The following PTPRB variants were observed in gnomAD, a reference collection of about 807,000 sequenced individuals.
PTPRB encodes receptor-type tyrosine-protein phosphatase beta.
In PTPRB, 97 loss-of-function variants were observed where a neutral mutation model predicts 238.1. The observed-to-expected ratio is 0.41, with a 90% CI of 0.35 to 0.48. The LOEUF (loss-of-function observed/expected upper bound fraction) is 0.48, where lower values mean the gene tolerates loss of function less well. PTPRB is among the 20% of genes least tolerant of loss of function. The pLI is 0.30. For synonymous variants in PTPRB, 970 were observed against 995.4 expected, an observed-to-expected ratio of 0.97 and a Z score of 0.48; for missense variants, 2,292 against 2,681.9, an observed-to-expected ratio of 0.85 and a Z score of 3.21.
chr12:70,583,564 C>T (rs1881597197), intron 9 of PTPRB, among the ~76,000 whole-genome samples: 2 of 152,134 alleles, frequency 1.3e-5, no homozygotes, highest in South Asian at 4.1e-4. Context: ...GGAAAGGCTA[C>T]ATTCTAAGTA....
In PTPRB at chr12:70,609,170, T is replaced by G; in HGVS notation, c.878A>C (p.Asn293Thr). 1 of 1,614,034 alleles carries G rather than the reference T, an allele frequency of 6.2e-7. No individual in the cohort carries two copies. Among genetic ancestry groups the G allele is most frequent in the Non-Finnish European group, 8.5e-7 (1 of 1,179,898 alleles). The part of the protein sequence containing the change: ...AALCPTFRID[N>T]TTYGCNLQDL... The stretch of plus-strand genomic sequence containing the variant: ...TTGAAGGTTACATCCGTATGTGGTG[T>G]TGTCTATCCGAAAGGTAGGGCACAA... The change falls in exon 4 of 34, where the codon AAC (asparagine) becomes ACC (threonine). Residue 293 changes from asparagine (N) to threonine (T), a missense_variant. By Grantham distance (65) the Asn-to-Thr change is moderately conservative (BLOSUM62 0). This residue lies in a region of PTPRB where 1,205 missense variants were observed against 1,287.8 expected (regional missense o/e 0.94). Coordinates refer to ENST00000334414, the MANE Select transcript of PTPRB (RefSeq NM_001109754.4).
intron 15 of PTPRB, among the ~76,000 whole-genome samples, chr12:70,565,417 T>G (rs1323794168): frequency 2.6e-5 from 4 of 152,212 alleles, no homozygotes; most frequent in Non-Finnish European, 4.4e-5. Context: ...CAGGACAGAC[T>G]GTCTGTACAA....
intron 32 of PTPRB, among the ~76,000 whole-genome samples, chr12:70,524,825 GTGTGTGCATATA>G (rs1407303168): frequency 1.3e-5 from 2 of 151,744 alleles, no homozygotes; most frequent in African/African-American, 4.8e-5. Context: ...ATATATATGT[GTGTGTGCATATA>G]TGTGTGTATA....
chr12:70,586,933 C>T, intron 9 of PTPRB, 74 bp downstream of exon 9: 1 of 1,432,348 alleles, frequency 7.0e-7, no homozygotes, highest in Non-Finnish European at 9.6e-7. Context: ...TTAATGAATA[C>T]TTGTAAATTG....
In PTPRB at chr12:70,582,679, G is replaced by A. The variant is rs1157946709; in HGVS notation, c.2312-1377C>T. Among the ~76,000 whole-genome samples, 6 of 152,060 alleles carry A rather than the reference G, an allele frequency of 3.9e-5. No individual in the cohort carries two copies. The South Asian group carries it at 1.2e-3, about 31-fold the overall frequency. On this transcript the variant is annotated intron_variant, in intron 9 of 33. Transcript: ENST00000334414. ...AAAAATTAACTCAAAATGGGTCGCA[G>A]ACCTACATTTAAAACCTAAAACTAT...
Position 70,571,094 on chromosome 12 carries a change from T to G in PTPRB, c.3302A>C (p.Gln1101Pro). 6.2e-7 allele frequency: 1 copy of G among 1,614,034 alleles called. No individual in the cohort carries two copies. Among genetic ancestry groups the G allele is most frequent in the African/African-American group, 1.3e-5 (1 of 75,050 alleles). Reference protein sequence around the residue: ...YRFTSLTPGRQYKILVLTISG... With the variant: ...YRFTSLTPGRPYKILVLTISG... Reference sequence around the variant, plus strand: ...AATCGTCAAGACAAGAATTTTGTATTGGCGGCCTGGTGTTAGGGAAGTAAA... The same window carrying G: ...AATCGTCAAGACAAGAATTTTGTATGGGCGGCCTGGTGTTAGGGAAGTAAA... The change falls in exon 13 of 34, where the codon CAA (glutamine) becomes CCA (proline). Residue 1101 changes from glutamine (Q) to proline (P), a missense_variant. This residue lies in a region of PTPRB where 683 missense variants were observed against 862.0 expected (regional missense o/e 0.79). Transcript: ENST00000334414.
chr12:70,566,850 T>C, intron 14 of PTPRB, 146 bp from the exon 15 acceptor site: 1 of 851,870 alleles, frequency 1.2e-6, no homozygotes, highest in Non-Finnish European at 1.8e-6. Flanking sequence ...TGTGTGCCCT[T>C]ATGGAGAAAA....
intron 30 of PTPRB, 42 bp downstream of exon 30, chr12:70,534,791 A>G (rs1323866385): frequency 5.0e-6 from 8 of 1,608,268 alleles, no homozygotes; most frequent in Middle Eastern, 1.7e-4. Flanking sequence ...GATCTCATTC[A>G]TCTCCCCAAG....
At chr12:70,556,179 A>C (rs772982347) in intron 18 of PTPRB, 31 bp from the exon 19 acceptor site, 1 of 1,579,188 alleles carries the variant, frequency 6.3e-7, no homozygotes, top group Non-Finnish European at 8.6e-7. Context: ...AACACTTTTC[A>C]GAACTCAGGG....
rs3049143 is a variant in PTPRB at position 70,619,157 on chromosome 12, A to AGTGTGTGTGT, written c.708+3223_708+3232dup. The stretch of plus-strand genomic sequence containing the variant: ...GAATATGTGACTAGATGTTTAGGGG[A>AGTGTGTGTGT]GTGTGTGTGTGTGTGTGTGTGTGTG... On this transcript the variant is annotated intron_variant, in intron 3 of 33. Coordinates refer to ENST00000334414, the MANE Select transcript of PTPRB (RefSeq NM_001109754.4). Among the ~76,000 whole-genome samples, 1,412 of 142,168 alleles carry AGTGTGTGTGT rather than the reference A, an allele frequency of 9.9e-3. 26 individuals are homozygous for AGTGTGTGTGT. Among genetic ancestry groups the AGTGTGTGTGT allele is most frequent in the African/African-American group, 0.031 (1,197 of 38,112 alleles). 93.3% of individuals were successfully genotyped at this position (142,168 alleles called of 152,430 possible).
intron 16 of PTPRB, 127 bp downstream of exon 16, chr12:70,562,717 A>G (rs2136335421): frequency 4.0e-6 from 5 of 1,235,510 alleles, no homozygotes; most frequent in Non-Finnish European, 5.6e-6. Context: ...AAACAGCCTG[A>G]AAGTCACAAA....
At chr12:70,614,750 C>T (rs1323241081) in intron 3 of PTPRB, among the ~76,000 whole-genome samples, 1 of 152,114 alleles carries the variant, frequency 6.6e-6, no homozygotes, top group Non-Finnish European at 1.5e-5. Flanking sequence ...AAAACAACTA[C>T]AAGATGGCAA....
intron 3 of PTPRB, among the ~76,000 whole-genome samples, chr12:70,611,148 C>T (rs765227863): frequency 9.9e-5 from 15 of 152,234 alleles, no homozygotes; most frequent in South Asian, 2.1e-4. Context: ...TTCAAATCAG[C>T]GGGAAGGATG....
At chr12:70,564,188 A>G (rs763316914) in intron 15 of PTPRB, among the ~76,000 whole-genome samples, 4 of 152,158 alleles carry the variant, frequency 2.6e-5, no homozygotes, top group Non-Finnish European at 4.4e-5. Flanking sequence ...CACTGCCTCA[A>G]TGAAGTCTTT....
intron 9 of PTPRB, among the ~76,000 whole-genome samples, chr12:70,581,646 A>G (rs914672622): frequency 2.0e-5 from 3 of 152,134 alleles, no homozygotes; most frequent in Non-Finnish European, 2.9e-5. Flanking sequence ...TCCTTACCCC[A>G]TGAGAATTCA....
intron 3 of PTPRB, among the ~76,000 whole-genome samples, chr12:70,621,506 G>A (rs189060025): frequency 3.3e-5 from 5 of 152,168 alleles, no homozygotes; most frequent in African/African-American, 7.2e-5. Flanking sequence ...TAGTAAAGGC[G>A]AAGTAGAGAC....
intron 6 of PTPRB, 101 bp from the exon 7 acceptor site, chr12:70,592,646 T>C (rs1882605489): frequency 3.9e-6 from 5 of 1,274,970 alleles, no homozygotes; most frequent in Non-Finnish European, 5.4e-6. Flanking sequence ...GCCACATTCC[T>C]TGCTCTGGAG....
At position 70,516,298 on chromosome 12, in the gene PTPRB, G is replaced by A. The variant is rs1049029280; in HGVS notation, c.*5191C>T. 1 of 152,204 alleles carries A rather than the reference G, an allele frequency of 6.6e-6. No individual in the cohort carries two copies. Among genetic ancestry groups the A allele is most frequent in the Admixed American group, 6.5e-5 (1 of 15,284 alleles). The allele number at this position is 152,204 out of a possible 1,614,324, so 9.4% of individuals were successfully genotyped here. A position where few individuals can be genotyped will look rare whatever the true frequency, so the allele number is the denominator to read the frequency against. ...CCAGGAGCAATTTCAAGAAGTGTGTGTAGAATGTCTATGAGCTGTGCACTA... is the reference window on the plus strand; with the variant it reads ...CCAGGAGCAATTTCAAGAAGTGTGTATAGAATGTCTATGAGCTGTGCACTA... On this transcript the variant is annotated 3_prime_UTR_variant, in exon 34 of 34. Coordinates refer to ENST00000334414, the MANE Select transcript of PTPRB (RefSeq NM_001109754.4).
intron 27 of PTPRB, chr12:70,538,551 T>G: frequency 2.3e-6 from 1 of 436,686 alleles, no homozygotes. Context: ...TTCTATTGCT[T>G]TACCTAATGG....
Sources: allele counts gnomAD v4.1 joint callset (sites outside exome capture counted in the v4.1 genomes callset), GRCh38; gene constraint gnomAD v4.1.1; regional missense constraint gnomAD v4.1.1; transcripts MANE v1.5; gene names NCBI Gene and HGNC (gene_info 2026-07-23, HGNC 2026-07-21).